Variants in SPEF2 observed in about 807,000 individuals in gnomAD.
SPEF2 encodes the protein sperm flagellar and cilia associated 2, also known as sperm flagella and cilia-associated protein 2.
In SPEF2, 187 loss-of-function variants were observed where a neutral mutation model predicts 224.6. That is an observed-to-expected ratio of 0.83 (90% confidence interval 0.74 to 0.94). The LOEUF (loss-of-function observed/expected upper bound fraction) is 0.94. SPEF2 is among the 40% of genes least tolerant of loss of function. The pLI, the probability that SPEF2 is intolerant of heterozygous loss-of-function variation, is 0.00. For missense variants in SPEF2, 2,170 were observed against 2,135.6 expected, an observed-to-expected ratio of 1.02 and a Z score of -0.32; for synonymous variants, 715 against 707.3, an observed-to-expected ratio of 1.01 and a Z score of -0.17.
intron 7 of SPEF2, among the ~76,000 whole-genome samples, chr5:35,655,150 G>T (rs1748786439): frequency 6.6e-6 from 1 of 152,160 alleles, no homozygotes; most frequent in Non-Finnish European, 1.5e-5. Context: ...TATTCCAGTG[G>T]TTCTTTAAGC....
At chr5:35,769,917 A>T (rs1039514564) in intron 26 of SPEF2, among the ~76,000 whole-genome samples, 1 of 151,654 alleles carries the variant, frequency 6.6e-6, no homozygotes, top group Non-Finnish European at 1.5e-5. Context: ...AGCCCTCAAT[A>T]ACCCCCATTT....
At chr5:35,675,822 C>G (rs1751920802) in intron 10 of SPEF2, 1 of 429,086 alleles carries the variant, frequency 2.3e-6, no homozygotes, top group Non-Finnish European at 4.7e-6. Flanking sequence ...TCTATTTGCC[C>G]TAGGTCCGTG....
At chr5:35,774,482 A>G (rs1284603702) in intron 28 of SPEF2, among the ~76,000 whole-genome samples, 3 of 152,166 alleles carry the variant, frequency 2.0e-5, no homozygotes, top group Non-Finnish European at 2.9e-5. Flanking sequence ...CCTGAAAATG[A>G]GTCCTTGGGA....
rs1026104057 is a variant in SPEF2 at position 35,799,959 on chromosome 5, T to C, written c.4831-9T>C. 1 of 1,613,666 alleles carries C rather than the reference T, an allele frequency of 6.2e-7. No individual in the cohort carries two copies. The highest frequency in any genetic ancestry group is 1.3e-5 in the African/African-American group (1 of 74,902). On this transcript the variant is annotated splice_polypyrimidine_tract_variant and intron_variant, in intron 33 of 36. Transcript: ENST00000356031. ...CCCATTTTATCTTTGGAATTCTTTT[T>C]GTGTGCAGTTTTTCTTTAGGCTATT...
At chr5:35,730,511 A>C (rs981420435) in intron 21 of SPEF2, among the ~76,000 whole-genome samples, 1 of 152,246 alleles carries the variant, frequency 6.6e-6, no homozygotes, top group African/African-American at 2.4e-5. Context: ...CAGGAGGCTG[A>C]CAGACATAGG....
At chr5:35,717,123 A>C (rs1232871372) in intron 20 of SPEF2, among the ~76,000 whole-genome samples, 1 of 152,228 alleles carries the variant, frequency 6.6e-6, no homozygotes, top group Non-Finnish European at 1.5e-5. Flanking sequence ...AAATTTAGAA[A>C]GTTTTCAATA....
chr5:35,751,102 T>C (rs1231552527), intron 23 of SPEF2, among the ~76,000 whole-genome samples: 9 of 103,470 alleles, frequency 8.7e-5, no homozygotes, highest in African/African-American at 2.7e-4. Flanking sequence ...CACACATATA[T>C]ATATATATAT....
chr5:35,777,025 T>C (rs1217892800), intron 29 of SPEF2, among the ~76,000 whole-genome samples: 4 of 152,202 alleles, frequency 2.6e-5, no homozygotes, highest in African/African-American at 9.6e-5. Flanking sequence ...CATGCTTGAT[T>C]GCTCTGGGCC....
intron 4 of SPEF2, among the ~76,000 whole-genome samples, chr5:35,644,741 A>G (rs1747109992): frequency 1.3e-5 from 2 of 152,000 alleles, no homozygotes; most frequent in Non-Finnish European, 2.9e-5. Flanking sequence ...TGTGGCTGAG[A>G]ACAAGAACTG....
intron 2 of SPEF2, among the ~76,000 whole-genome samples, chr5:35,631,789 A>G (rs540880352): frequency 4.6e-5 from 7 of 152,360 alleles, no homozygotes; most frequent in African/African-American, 1.7e-4. Flanking sequence ...AATTTCACAG[A>G]GTTCCAAAGA....
chr5:35,651,163 A>G (rs1748139108), intron 6 of SPEF2, among the ~76,000 whole-genome samples: 1 of 152,238 alleles, frequency 6.6e-6, no homozygotes, highest in Non-Finnish European at 1.5e-5. Context: ...ATTTCTGCTT[A>G]TATCTTATTG....
At chr5:35,621,042 T>C (rs949645799) in intron 1 of SPEF2, among the ~76,000 whole-genome samples, 4 of 152,334 alleles carry the variant, frequency 2.6e-5, no homozygotes, top group Admixed American at 1.3e-4. Flanking sequence ...TGGCTTGTTG[T>C]TTATATTGCC....
chr5:35,806,483 A>G (rs1428145480), intron 34 of SPEF2, among the ~76,000 whole-genome samples: 2 of 152,218 alleles, frequency 1.3e-5, no homozygotes, highest in African/African-American at 4.8e-5. Context: ...GACACACCCC[A>G]CACTATACAA....
At chr5:35,793,472 C>G (rs999221359) in intron 32 of SPEF2, 131 bp downstream of exon 32, 1 of 836,190 alleles carries the variant, frequency 1.2e-6, no homozygotes, top group Non-Finnish European at 1.7e-6. Context: ...GTCTAGGCAC[C>G]CAGAGGCAGC....
At chr5:35,638,679 G>T (rs181220056) in intron 2 of SPEF2, among the ~76,000 whole-genome samples, 2 of 151,908 alleles carry the variant, frequency 1.3e-5, no homozygotes, top group East Asian at 1.9e-4. Context: ...TTATGTATCA[G>T]TTCTTATCAG....
chr5:35,700,758 C>T lies in SPEF2; in HGVS notation c.2398+6C>T. The T allele has an allele frequency of 6.2e-7, 1 of 1,612,140 alleles. No homozygotes were observed. Among genetic ancestry groups the T allele is most frequent in the Non-Finnish European group, 8.5e-7 (1 of 1,178,712 alleles). ...TCGCATGAATGATATTATAGGTAAG[C>T]TGGACACCTTTTTTGACACTCTTTT... On this transcript the variant is annotated splice_donor_region_variant and intron_variant, in intron 16 of 36. Coordinates refer to ENST00000356031, the MANE Select transcript of SPEF2 (RefSeq NM_024867.4).
intron 1 of SPEF2, 49 bp downstream of exon 1, chr5:35,618,104 A>G (rs1742919302): frequency 1.3e-6 from 2 of 1,545,260 alleles, no homozygotes; most frequent in Non-Finnish European, 1.8e-6. Context: ...AGCGGGGCGC[A>G]GAGCCTGCAG....
At position 35,773,764 on chromosome 5, in the gene SPEF2, T is replaced by C. The variant is rs1393958390; in HGVS notation, c.3950-129T>C. 3 of 1,079,214 alleles carry C rather than the reference T, an allele frequency of 2.8e-6. No homozygotes were observed. In the African/African-American group the frequency reaches 4.9e-5, roughly 17 times the overall value. The allele number at this position is 1,079,214 out of a possible 1,614,324, so 66.9% of individuals were successfully genotyped here. A position where few individuals can be genotyped will look rare whatever the true frequency, so the allele number is the denominator to read the frequency against. On this transcript the variant is annotated intron_variant, in intron 27 of 36. Transcript: ENST00000356031. ...ATCACAGATGCTGGGAGGACCAAGGTTTCATTGTTTCCGAATCACTAGAGG... is the reference window on the plus strand; with the variant it reads ...ATCACAGATGCTGGGAGGACCAAGGCTTCATTGTTTCCGAATCACTAGAGG...
chr5:35,720,928 A>ATAT (rs1440609385), intron 20 of SPEF2, among the ~76,000 whole-genome samples: 2 of 147,950 alleles, frequency 1.4e-5, no homozygotes, highest in Non-Finnish European at 3.0e-5. Flanking sequence ...AAAGCACTTG[A>ATAT]TATTATTGAA....
Sources: gnomAD v4.1 joint callset for allele counts (sites outside exome capture counted in the v4.1 genomes callset) on GRCh38, gnomAD v4.1.1 for gene constraint, MANE v1.5 for transcripts, NCBI Gene and HGNC (gene_info 2026-07-23, HGNC 2026-07-21) for gene names.